The following PPM1B variants were observed in gnomAD, a reference collection of about 807,000 sequenced individuals.
The protein encoded by PPM1B is protein phosphatase, Mg2+/Mn2+ dependent 1B, also known as protein phosphatase 1B.
A neutral mutation model predicts 43.0 loss-of-function variants in PPM1B; 22 were observed. The observed-to-expected ratio is 0.51, with a 90% CI of 0.37 to 0.73. PPM1B has a LOEUF of 0.73. Among genes scored for constraint, PPM1B ranks in the 30% least tolerant of loss-of-function variants. The pLI, the probability that PPM1B is intolerant of heterozygous loss-of-function variation, is 0.00. For missense variants in PPM1B, 632 were observed against 584.2 expected, an observed-to-expected ratio of 1.08 and a Z score of -0.84; for synonymous variants, 217 against 197.9, an observed-to-expected ratio of 1.10 and a Z score of -0.81.
At position 44,214,376 on chromosome 2, in the gene PPM1B, GT is replaced by G. The variant is rs909267891; in HGVS notation, c.965-3580del. Among the ~76,000 whole-genome samples, 146 of 143,444 alleles carry G rather than the reference GT, an allele frequency of 1.0e-3. 1 individual carries two copies. The highest frequency in any genetic ancestry group is 3.7e-3 in the Middle Eastern group (1 of 272). The allele number at this position is 143,444 out of a possible 152,430, so 94.1% of individuals were successfully genotyped here. A position where few individuals can be genotyped will look rare whatever the true frequency, so the allele number is the denominator to read the frequency against. ...GAGCCACTGCGCCCGACCCCATAGA[GT>G]TTTTTTTTTTCTTAAATAAATTGTT... is the stretch of plus-strand genomic sequence containing the variant. On this transcript the variant is annotated intron_variant, in intron 3 of 5. Coordinates refer to ENST00000282412, the MANE Select transcript of PPM1B (RefSeq NM_002706.6).
intron 1 of PPM1B, among the ~76,000 whole-genome samples, chr2:44,175,028 G>T (rs1218489645): frequency 6.6e-6 from 1 of 152,158 alleles, no homozygotes; most frequent in African/African-American, 2.4e-5. Context: ...GCCGAGGTGG[G>T]CGGATTGTCT....
chr2:44,212,202 TAGC>T (rs1183115771), intron 3 of PPM1B, among the ~76,000 whole-genome samples: 3 of 152,206 alleles, frequency 2.0e-5, no homozygotes, highest in Non-Finnish European at 2.9e-5. Context: ...AAACTTGTTG[TAGC>T]GTCTTTTTGT....
chr2:44,173,589 ATAAC>A (rs1039510437), intron 1 of PPM1B, among the ~76,000 whole-genome samples: 3 of 152,162 alleles, frequency 2.0e-5, no homozygotes, highest in Non-Finnish European at 1.5e-5. Context: ...TTGTTTTACT[ATAAC>A]TAATCACATC....
chr2:44,189,264 A>G (rs1452365714), intron 1 of PPM1B, among the ~76,000 whole-genome samples: 1 of 152,152 alleles, frequency 6.6e-6, no homozygotes, highest in Non-Finnish European at 1.5e-5. Flanking sequence ...GTTTCTTGAG[A>G]AAAGACAGAA....
intron 5 of PPM1B, among the ~76,000 whole-genome samples, chr2:44,222,562 A>G (rs910470619): frequency 6.6e-6 from 1 of 152,108 alleles, no homozygotes; most frequent in Non-Finnish European, 1.5e-5. Flanking sequence ...CAGGCCCCTT[A>G]TTTATACACA....
At position 44,169,902 on chromosome 2, in the gene PPM1B, G is replaced by C. The variant is rs1212880984; in HGVS notation, c.-15+628G>C. On this transcript the variant is annotated intron_variant, in intron 1 of 5. Coordinates refer to ENST00000282412, the MANE Select transcript of PPM1B (RefSeq NM_002706.6). ...AACAGTGAAGTTCTTAATTGAAACT[G>C]CCACTTATTGTCAGTACCCCAAATC... Among the ~76,000 whole-genome samples, 3 of 152,132 alleles carry C rather than the reference G, an allele frequency of 2.0e-5. No individual in the cohort carries two copies. In the East Asian group the frequency reaches 5.8e-4, roughly 29 times the overall value.
intron 5 of PPM1B, among the ~76,000 whole-genome samples, chr2:44,225,976 CTTT>C (rs36013751): frequency 8.3e-5 from 11 of 132,648 alleles, no homozygotes; most frequent in Admixed American, 7.6e-5. Flanking sequence ...TTTAGTATGT[CTTT>C]TTTTTTTTTT....
intron 1 of PPM1B, among the ~76,000 whole-genome samples, chr2:44,187,550 A>T (rs1013091075): frequency 1.3e-5 from 2 of 152,176 alleles, no homozygotes; most frequent in Non-Finnish European, 2.9e-5. Context: ...GAAAGTCCAT[A>T]ATGATCTGTC....
chr2:44,244,859 A>T (rs568737790), downstream of PPM1B, among the ~76,000 whole-genome samples: 2 of 146,626 alleles, frequency 1.4e-5, no homozygotes, highest in Middle Eastern at 3.3e-3. Context: ...ACACATATAT[A>T]GTGTGTGTGT....
At chr2:44,170,330 A>T (rs1331412756) in intron 1 of PPM1B, among the ~76,000 whole-genome samples, 1 of 152,246 alleles carries the variant, frequency 6.6e-6, no homozygotes, top group East Asian at 1.9e-4. Flanking sequence ...TAGGCTCCAC[A>T]TGTTTAATGT....
chr2:44,239,947 A>G (rs1298751401), intron 5 of PPM1B, among the ~76,000 whole-genome samples: 1 of 147,410 alleles, frequency 6.8e-6, no homozygotes, highest in Non-Finnish European at 1.5e-5. Flanking sequence ...TTAGATTACT[A>G]TAGCCTCTTA....
chr2:44,223,513 C>G (rs889255290), intron 5 of PPM1B, among the ~76,000 whole-genome samples: 8 of 151,908 alleles, frequency 5.3e-5, no homozygotes, highest in Admixed American at 6.6e-5. Context: ...AAGACCTATA[C>G]TGTTTGAAAA....
intron 5 of PPM1B, among the ~76,000 whole-genome samples, chr2:44,228,007 C>T (rs58575548): frequency 0.025 from 3,783 of 148,974 alleles, 160 homozygotes; most frequent in African/African-American, 0.088. Context: ...CTGCAACCTC[C>T]GCCCTCCGAG....
At chr2:44,211,939 G>A (rs1031897260) in intron 3 of PPM1B, among the ~76,000 whole-genome samples, 1 of 151,918 alleles carries the variant, frequency 6.6e-6, no homozygotes, top group Admixed American at 6.6e-5. Context: ...AGTAGAGAGG[G>A]GGTTTCTCCA....
In PPM1B at chr2:44,199,172, G is replaced by A. The variant is rs1668802618; in HGVS notation, c.-14-2014G>A. Among the ~76,000 whole-genome samples the A allele has an allele frequency of 7.3e-5, 11 of 151,658 alleles. No individual in the cohort carries two copies. In the South Asian group the frequency reaches 2.3e-3, roughly 32 times the overall value. ...ACCCGGGAGGCTGAGGCAGGAGAGT[G>A]GTGTGAACCTGGGAGGCGGAGGTTG... is the stretch of plus-strand genomic sequence containing the variant. On this transcript the variant is annotated intron_variant, in intron 1 of 5. Transcript: ENST00000282412.
chr2:44,199,845 CTT>C (rs1668848441), intron 1 of PPM1B, among the ~76,000 whole-genome samples: 2 of 152,088 alleles, frequency 1.3e-5, no homozygotes, highest in Admixed American at 1.3e-4. Context: ...TGGTATGTAA[CTT>C]ATAAATATTT....
intron 5 of PPM1B, among the ~76,000 whole-genome samples, chr2:44,239,826 T>A (rs1284725973): frequency 6.6e-6 from 1 of 152,114 alleles, no homozygotes; most frequent in Non-Finnish European, 1.5e-5. Flanking sequence ...CCTGTCAGAT[T>A]CCCATTCCCC....
At chr2:44,184,098 A>T (rs1668013990) in intron 1 of PPM1B, among the ~76,000 whole-genome samples, 1 of 152,182 alleles carries the variant, frequency 6.6e-6, no homozygotes, top group Non-Finnish European at 1.5e-5. Flanking sequence ...ACCTCATTGT[A>T]TGTTTCCTTA....
rs1670433178 is a variant in PPM1B, at chr2:44,230,687, C to G, written c.1409C>G (p.Ala470Gly). 16 of 1,612,332 alleles carry G rather than the reference C, an allele frequency of 9.9e-6. No homozygotes were observed. The highest frequency in any genetic ancestry group is 1.7e-5 in the Admixed American group (1 of 59,930). ...LAELDSSNED[A>G]GTKMSGEKI is the part of the protein sequence containing the mutation. ...GAATTAGACAGCTCTAATGAAGATG[C>G]AGGGACAAAGATGAGTGGTGAAAAA... Residue 470 changes from alanine to glycine, a missense_variant, in exon 6 of 6, where the codon GCA (alanine) becomes GGA (glycine). Ala to Gly is a moderately conservative substitution (Grantham distance 60). This residue lies in a region of PPM1B where 392 missense variants were observed against 302.7 expected (regional missense o/e 1.29). Transcript: ENST00000282412.
Sources: gnomAD v4.1 joint callset for allele counts (sites outside exome capture counted in the v4.1 genomes callset) on GRCh38, gnomAD v4.1.1 for gene constraint, gnomAD v4.1.1 regional missense constraint, MANE v1.5 for transcripts, NCBI Gene and HGNC (gene_info 2026-07-23, HGNC 2026-07-21) for gene names.